The following SIL1 variants were observed in gnomAD, a reference collection of about 807,000 sequenced individuals.
SIL1 encodes nucleotide exchange factor SIL1.
In SIL1, 40 loss-of-function variants were observed where a neutral mutation model predicts 49.1. The ratio of observed to expected loss-of-function variants is 0.81; its 90% confidence interval spans 0.63 to 1.06. SIL1 has a LOEUF of 1.06. Ranked by LOEUF, SIL1 falls within the 50% of genes least tolerant of loss-of-function variation. The pLI is 0.00. For missense variants in SIL1, 500 were observed against 572.6 expected, an observed-to-expected ratio of 0.87 and a Z score of 1.29; for synonymous variants, 253 against 250.8, an observed-to-expected ratio of 1.01 and a Z score of -0.08.
At chr5:139,182,301 G>T (rs1752004701) in intron 1 of SIL1, among the ~76,000 whole-genome samples, 1 of 152,158 alleles carries the variant, frequency 6.6e-6, no homozygotes, top group Non-Finnish European at 1.5e-5. Context: ...GAATGAGCAG[G>T]GCGAGTCATC....
chr5:138,981,411 C>A (rs1403098318), intron 7 of SIL1, among the ~76,000 whole-genome samples: 3 of 152,064 alleles, frequency 2.0e-5, no homozygotes, highest in Admixed American at 6.6e-5. Flanking sequence ...ACTGGAGAAT[C>A]CAACTATGGA....
At chr5:139,051,307 C>G (rs1318148605) in intron 3 of SIL1, 3 of 510,706 alleles carry the variant, frequency 5.9e-6, no homozygotes, top group Non-Finnish European at 1.1e-5. Context: ...GACCAATGTC[C>G]CCCAGTTAGA....
At chr5:139,056,475 C>T (rs1352580745) in intron 3 of SIL1, among the ~76,000 whole-genome samples, 1 of 151,124 alleles carries the variant, frequency 6.6e-6, no homozygotes, top group Non-Finnish European at 1.5e-5. Context: ...CTCCGCCCGG[C>T]AGCCACCCCG....
At chr5:139,116,577 G>A (rs1226380054) in intron 3 of SIL1, among the ~76,000 whole-genome samples, 1 of 152,152 alleles carries the variant, frequency 6.6e-6, no homozygotes, top group Admixed American at 6.5e-5. Context: ...TTCCCCTTCA[G>A]GTCCCCAAGG....
At chr5:139,197,372 C>T (rs913679652) in intron 1 of SIL1, among the ~76,000 whole-genome samples, 2 of 151,138 alleles carry the variant, frequency 1.3e-5, no homozygotes, top group Non-Finnish European at 2.9e-5. Flanking sequence ...TTTGGGTTAA[C>T]TTAACCCCCG....
intron 7 of SIL1, among the ~76,000 whole-genome samples, chr5:139,020,412 A>G (rs1768494081): frequency 6.6e-6 from 1 of 152,234 alleles, no homozygotes; most frequent in South Asian, 2.1e-4. Context: ...TAACATCGTG[A>G]CCTGCATCTA....
rs138248475 is a variant in SIL1 at position 138,968,065 on chromosome 5, C to A, written c.768-16181G>T. ...GAAGGGCCTGGCCACTGGGCTATAA[C>A]GAGCTCCAAACTGGGCCCACATCCA... On this transcript the variant is annotated intron_variant, in intron 7 of 9. Coordinates refer to ENST00000394817, the MANE Select transcript of SIL1 (RefSeq NM_022464.5). Among the ~76,000 whole-genome samples, 838 of 152,184 alleles carry A rather than the reference C, an allele frequency of 5.5e-3. 9 individuals carry two copies. The highest frequency in any genetic ancestry group is 0.019 in the African/African-American group (801 of 41,514).
chr5:139,068,847 C>G (rs990678370), intron 3 of SIL1, among the ~76,000 whole-genome samples: 3 of 152,014 alleles, frequency 2.0e-5, no homozygotes. Context: ...TCCCTACATA[C>G]AATGAAAGTA....
intron 1 of SIL1, among the ~76,000 whole-genome samples, chr5:139,183,584 C>A (rs1162928298): frequency 1.2e-4 from 19 of 152,228 alleles, no homozygotes; most frequent in Admixed American, 1.2e-3. Flanking sequence ...TACTAAAAAA[C>A]ATTTTCAAGG....
At chr5:139,080,663 A>C (rs554542749) in intron 3 of SIL1, among the ~76,000 whole-genome samples, 56 of 152,354 alleles carry the variant, frequency 3.7e-4, no homozygotes, top group African/African-American at 1.3e-3. Context: ...GTCATTGTCC[A>C]GTACATGGTT....
chr5:139,121,980 CA>C (rs910695216), intron 2 of SIL1, among the ~76,000 whole-genome samples: 1 of 151,882 alleles, frequency 6.6e-6, no homozygotes, highest in Non-Finnish European at 1.5e-5. Flanking sequence ...CCCGTTCTTG[CA>C]AAAAAAGTAA....
At chr5:139,082,084 T>C (rs1228080804) in intron 3 of SIL1, among the ~76,000 whole-genome samples, 2 of 152,212 alleles carry the variant, frequency 1.3e-5, no homozygotes, top group African/African-American at 2.4e-5. Context: ...ACACACATCA[T>C]CTTGTTTAAT....
intron 5 of SIL1, among the ~76,000 whole-genome samples, chr5:139,042,047 C>G (rs1769059517): frequency 2.0e-5 from 3 of 152,220 alleles, no homozygotes; most frequent in Non-Finnish European, 4.4e-5. Flanking sequence ...AATTCTTCAC[C>G]TTTTCCTCCT....
At chr5:139,112,284 G>A (rs1421488153) in intron 3 of SIL1, among the ~76,000 whole-genome samples, 3 of 152,098 alleles carry the variant, frequency 2.0e-5, no homozygotes, top group African/African-American at 7.2e-5. Flanking sequence ...GAGAAGTGAG[G>A]AGCGTCTCTG....
chr5:139,147,633 C>G (rs953581168), intron 1 of SIL1, among the ~76,000 whole-genome samples: 1 of 152,194 alleles, frequency 6.6e-6, no homozygotes, highest in African/African-American at 2.4e-5. Flanking sequence ...TGTGTTCTCT[C>G]TTCCCCTCCT....
At chr5:139,113,038 A>T (rs1770904135) in intron 3 of SIL1, among the ~76,000 whole-genome samples, 1 of 152,196 alleles carries the variant, frequency 6.6e-6, no homozygotes, top group Non-Finnish European at 1.5e-5. Flanking sequence ...GTGTCCACTC[A>T]GGGTTAAATG....
chr5:139,122,641 C>G (rs1750665164), intron 2 of SIL1, among the ~76,000 whole-genome samples: 1 of 151,822 alleles, frequency 6.6e-6, no homozygotes, highest in Non-Finnish European at 1.5e-5. Context: ...TCCCTCCTGC[C>G]TGGGTCCCTC....
intron 5 of SIL1, among the ~76,000 whole-genome samples, chr5:139,040,735 A>T (rs1272713137): frequency 6.6e-6 from 1 of 151,908 alleles, no homozygotes; most frequent in East Asian, 1.9e-4. Flanking sequence ...CTGACCTCAG[A>T]TGATCCACCC....
chr5:139,184,687 TA>T (rs939286408), intron 1 of SIL1, among the ~76,000 whole-genome samples: 3 of 151,910 alleles, frequency 2.0e-5, no homozygotes, highest in Non-Finnish European at 4.4e-5. Flanking sequence ...AAACTACAAC[TA>T]AAAAATAAAT....
Sources: allele counts gnomAD v4.1 joint callset (sites outside exome capture counted in the v4.1 genomes callset), GRCh38; gene constraint gnomAD v4.1.1; transcripts MANE v1.5; gene names NCBI Gene and HGNC (gene_info 2026-07-23, HGNC 2026-07-21).